RHOA: variants seen among roughly 807,000 people sequenced by gnomAD.
RHOA encodes the protein ras homolog family member A.
RHOA carries 3 observed loss-of-function variants against 17.5 expected under a neutral mutation model. The observed-to-expected ratio is 0.17, with a 90% CI of 0.08 to 0.44. The LOEUF is 0.44. Among genes scored for constraint, RHOA ranks in the 20% least tolerant of loss-of-function variants. RHOA has a pLI of 0.99. For synonymous variants in RHOA, 98 were observed against 88.4 expected, an observed-to-expected ratio of 1.11 and a Z score of -0.61; for missense variants, 56 against 242.3, an observed-to-expected ratio of 0.23 and a Z score of 5.10.
intron 1 of RHOA, among the ~76,000 whole-genome samples, chr3:49,392,750 T>C (rs574143942): frequency 1.3e-5 from 2 of 152,176 alleles, no homozygotes; most frequent in Admixed American, 6.6e-5. Flanking sequence ...AGTGCAGATA[T>C]ACAGCACGTC....
At chr3:49,392,993 A>G (rs377721108) in intron 1 of RHOA, among the ~76,000 whole-genome samples, 1 of 152,008 alleles carries the variant, frequency 6.6e-6, no homozygotes, top group African/African-American at 2.4e-5. Context: ...CCTGGCCAAC[A>G]TGGTCAAACC....
intron 1 of RHOA, among the ~76,000 whole-genome samples, chr3:49,389,247 T>G (rs1203460152): frequency 1.3e-5 from 2 of 151,662 alleles, no homozygotes; most frequent in Non-Finnish European, 2.9e-5. Context: ...CTCGGGGGGC[T>G]GAGCTTGCAG....
chr3:49,393,127 G>A (rs2048536595), intron 1 of RHOA, among the ~76,000 whole-genome samples: 1 of 152,106 alleles, frequency 6.6e-6, no homozygotes, highest in Admixed American at 6.6e-5. Context: ...AGTGAGCCAA[G>A]ATCGCGCCAC....
intron 1 of RHOA, among the ~76,000 whole-genome samples, chr3:49,389,818 T>A (rs1394738143): frequency 1.3e-5 from 2 of 150,758 alleles, no homozygotes; most frequent in Non-Finnish European, 2.9e-5. Flanking sequence ...GTGCCTGTAG[T>A]CCCAGCTACT....
intron 1 of RHOA, among the ~76,000 whole-genome samples, chr3:49,409,613 C>T (rs1206955007): frequency 6.6e-6 from 1 of 152,110 alleles, no homozygotes; most frequent in African/African-American, 2.4e-5. Flanking sequence ...ATTAAAAAGA[C>T]GCAAACTAGC....
chr3:49,391,227 A>T (rs1051121711), intron 1 of RHOA, among the ~76,000 whole-genome samples: 2 of 138,204 alleles, frequency 1.4e-5, no homozygotes. Context: ...AAAAAAAAAA[A>T]AAAGAAATAC....
chr3:49,379,524 T>C (rs1344506472), intron 1 of RHOA, among the ~76,000 whole-genome samples: 1 of 152,128 alleles, frequency 6.6e-6, no homozygotes, highest in Non-Finnish European at 1.5e-5. Context: ...ACACATTTTA[T>C]TTATTTTGAG....
intron 3 of RHOA, among the ~76,000 whole-genome samples, chr3:49,363,474 C>T (rs1011889240): frequency 1.3e-5 from 2 of 152,106 alleles, no homozygotes; most frequent in East Asian, 1.9e-4. Flanking sequence ...GTGACTCATA[C>T]TTGTAATTCC....
chr3:49,385,823 T>A (rs1307459765), intron 1 of RHOA, among the ~76,000 whole-genome samples: 1 of 152,174 alleles, frequency 6.6e-6, no homozygotes, highest in Non-Finnish European at 1.5e-5. Flanking sequence ...CACCTCAGCA[T>A]TATTTACTGA....
intron 1 of RHOA, among the ~76,000 whole-genome samples, chr3:49,391,625 C>T (rs561575596): frequency 1.3e-5 from 2 of 151,932 alleles, no homozygotes; most frequent in East Asian, 3.9e-4. Context: ...CTCACTACAA[C>T]CTCCGCCTCC....
intron 1 of RHOA, among the ~76,000 whole-genome samples, chr3:49,405,934 C>T (rs2048825654): frequency 6.6e-6 from 1 of 152,162 alleles, no homozygotes; most frequent in South Asian, 2.1e-4. Context: ...ACCCACCCAC[C>T]TCGGCCTCCC....
chr3:49,368,839 C>CT lies in RHOA; in HGVS notation c.157-292dup, dbSNP rs752096073. ...TCTCCTGCCTTGGCCTCCCAAGTAGCTGGGACTACAGGTGCCCGCCATCAC... is the reference window on the plus strand; with the variant it reads ...TCTCCTGCCTTGGCCTCCCAAGTAGCTTGGGACTACAGGTGCCCGCCATCAC... On this transcript the variant is annotated intron_variant, in intron 2 of 4. Coordinates refer to ENST00000418115, the MANE Select transcript of RHOA (RefSeq NM_001664.4). Among the ~76,000 whole-genome samples the CT allele has an allele frequency of 1.2e-4, 18 of 150,924 alleles. No homozygotes were observed. In the East Asian group the frequency reaches 2.5e-3, roughly 21 times the overall value.
At chr3:49,391,461 A>G (rs1024558658) in intron 1 of RHOA, among the ~76,000 whole-genome samples, 1 of 152,116 alleles carries the variant, frequency 6.6e-6, no homozygotes. Context: ...TGAACACAAC[A>G]GACAAAAAGT....
At chr3:49,404,058 G>C (rs1575286965) in intron 1 of RHOA, among the ~76,000 whole-genome samples, 1 of 117,082 alleles carries the variant, frequency 8.5e-6, no homozygotes, top group East Asian at 1.9e-4. Context: ...GCAGCACTTT[G>C]GGAGTCTGAG....
intron 1 of RHOA, among the ~76,000 whole-genome samples, chr3:49,376,830 A>G (rs545404501): frequency 5.3e-5 from 8 of 151,760 alleles, no homozygotes; most frequent in South Asian, 2.1e-4. Flanking sequence ...ATTTGTTTGT[A>G]AAGAAACAGC....
intron 1 of RHOA, among the ~76,000 whole-genome samples, chr3:49,378,285 C>T (rs1009484071): frequency 8.4e-6 from 1 of 118,368 alleles, no homozygotes; most frequent in African/African-American, 3.2e-5. Context: ...CTCACTCTGT[C>T]ACCCAGGCTG....
chr3:49,376,322 A>T (rs1186377634), intron 1 of RHOA, among the ~76,000 whole-genome samples: 1 of 152,088 alleles, frequency 6.6e-6, no homozygotes, highest in Non-Finnish European at 1.5e-5. Context: ...CAAGTTCAGT[A>T]AGGTTGCAGG....
chr3:49,377,049 A>C (rs1361028853), intron 1 of RHOA, among the ~76,000 whole-genome samples: 3 of 151,940 alleles, frequency 2.0e-5, no homozygotes. Context: ...AATCGCTTGA[A>C]CCCGGGAGGC....
At chr3:49,376,540 G>A (rs1219573557) in intron 1 of RHOA, among the ~76,000 whole-genome samples, 1 of 151,282 alleles carries the variant, frequency 6.6e-6, no homozygotes, top group African/African-American at 2.4e-5. Flanking sequence ...CTACTTGGGA[G>A]GCTGAGGCAG....
Sources: allele counts gnomAD v4.1 joint callset (sites outside exome capture counted in the v4.1 genomes callset), GRCh38; gene constraint gnomAD v4.1.1; transcripts MANE v1.5; gene names NCBI Gene and HGNC (gene_info 2026-07-23, HGNC 2026-07-21).